GALNTL6: variants seen among roughly 807,000 people sequenced by gnomAD.
The protein encoded by GALNTL6 is polypeptide N-acetylgalactosaminyltransferase-like 6.
A neutral mutation model predicts 73.7 loss-of-function variants in GALNTL6; 46 were observed. That is an observed-to-expected ratio of 0.62 (90% CI 0.49 to 0.80). GALNTL6 has a LOEUF of 0.80. GALNTL6 is among the 30% of genes least tolerant of loss of function. GALNTL6 has a pLI of 0.00. For missense variants in GALNTL6, 604 were observed against 755.0 expected (o/e 0.80, Z 2.34); for synonymous variants, 259 against 263.7 (o/e 0.98, Z 0.17).
In GALNTL6 at chr4:172,073,818, A is replaced by G. The variant is rs79305873; in HGVS notation, c.139-155838A>G. ...AGTACTGCAATTTGGCTGAGGGCTA[A>G]GCTCTTTGAGGGGACAATAACTACT... On this transcript the variant is annotated intron_variant, in intron 2 of 12. Coordinates refer to ENST00000506823, the MANE Select transcript of GALNTL6 (RefSeq NM_001034845.3). Among the ~76,000 whole-genome samples, 875 of 152,312 alleles carry G rather than the reference A, an allele frequency of 5.7e-3. 12 individuals carry two copies. The highest frequency in any genetic ancestry group is 0.019 in the African/African-American group (809 of 41,566).
At chr4:172,299,805 G>C (rs1739841434) in intron 3 of GALNTL6, among the ~76,000 whole-genome samples, 1 of 152,164 alleles carries the variant, frequency 6.6e-6, no homozygotes, top group South Asian at 2.1e-4. Flanking sequence ...GTCAATTTTG[G>C]AATAGGTATG....
chr4:171,936,290 T>A (rs984230909), intron 2 of GALNTL6, among the ~76,000 whole-genome samples: 1 of 152,282 alleles, frequency 6.6e-6, no homozygotes, highest in Admixed American at 6.5e-5. Context: ...GGAAAAGGTA[T>A]GTAACATCTG....
chr4:172,207,183 G>A (rs1421772376), intron 2 of GALNTL6, among the ~76,000 whole-genome samples: 1 of 151,808 alleles, frequency 6.6e-6, no homozygotes, highest in Non-Finnish European at 1.5e-5. Flanking sequence ...AATCATACAG[G>A]GTCTCCTAAG....
intron 5 of GALNTL6, among the ~76,000 whole-genome samples, chr4:172,451,713 G>T (rs1732219428): frequency 6.6e-6 from 1 of 152,142 alleles, no homozygotes; most frequent in South Asian, 2.1e-4. Flanking sequence ...TTAAAAACAT[G>T]TATGTAAGTG....
At chr4:172,476,108 C>G (rs942481429) in intron 5 of GALNTL6, among the ~76,000 whole-genome samples, 1 of 152,240 alleles carries the variant, frequency 6.6e-6, no homozygotes, top group African/African-American at 2.4e-5. Context: ...TGTAAACTGT[C>G]TTGGTCCATT....
intron 5 of GALNTL6, among the ~76,000 whole-genome samples, chr4:172,357,493 G>T (rs1055796852): frequency 6.6e-6 from 1 of 152,068 alleles, no homozygotes; most frequent in Non-Finnish European, 1.5e-5. Context: ...GGCATGGGAA[G>T]TTACTGGGCA....
intron 5 of GALNTL6, among the ~76,000 whole-genome samples, chr4:172,462,862 A>G (rs548213495): frequency 6.6e-6 from 1 of 152,284 alleles, no homozygotes; most frequent in South Asian, 2.1e-4. Context: ...AGAAGACAGA[A>G]ATTTAGGGTG....
chr4:172,893,616 G>A (rs930400499), intron 8 of GALNTL6, among the ~76,000 whole-genome samples: 3 of 152,144 alleles, frequency 2.0e-5, no homozygotes, highest in South Asian at 2.1e-4. Context: ...GGACAAGGGG[G>A]CACAAAGATC....
chr4:172,368,433 GAACCTTGC>G (rs1309702650), intron 5 of GALNTL6, among the ~76,000 whole-genome samples: 1 of 152,094 alleles, frequency 6.6e-6, no homozygotes, highest in Non-Finnish European at 1.5e-5. Flanking sequence ...ATGTTATCCA[GAACCTTGC>G]AACCTTGCAG....
chr4:172,612,643 A>G (rs1738570442), intron 5 of GALNTL6, among the ~76,000 whole-genome samples: 1 of 152,104 alleles, frequency 6.6e-6, no homozygotes, highest in African/African-American at 2.4e-5. Context: ...TGGGTAGCCA[A>G]TCAGAAGAGT....
At chr4:172,406,240 G>GA (rs1561068762) in intron 5 of GALNTL6, among the ~76,000 whole-genome samples, 1 of 151,848 alleles carries the variant, frequency 6.6e-6, no homozygotes, top group South Asian at 2.1e-4. Flanking sequence ...TATTCAGAAT[G>GA]AATTCAAACT....
chr4:172,262,698 T>C (rs549771395), intron 3 of GALNTL6, among the ~76,000 whole-genome samples: 8 of 151,544 alleles, frequency 5.3e-5, no homozygotes, highest in African/African-American at 1.7e-4. Flanking sequence ...TTTTTGTGTG[T>C]ATTGTTTTAT....
chr4:172,065,637 C>T (rs1008684523), intron 2 of GALNTL6, among the ~76,000 whole-genome samples: 1 of 152,088 alleles, frequency 6.6e-6, no homozygotes, highest in Non-Finnish European at 1.5e-5. Context: ...AGATTTCCCA[C>T]ATGCCCTTCT....
At chr4:172,616,127 A>G (rs1738719193) in intron 5 of GALNTL6, among the ~76,000 whole-genome samples, 1 of 152,160 alleles carries the variant, frequency 6.6e-6, no homozygotes, top group Non-Finnish European at 1.5e-5. Flanking sequence ...CTGTCCCTTC[A>G]TAAAGATCTG....
At chr4:173,036,037 T>C (rs1295632330) in intron 12 of GALNTL6, among the ~76,000 whole-genome samples, 2 of 152,214 alleles carry the variant, frequency 1.3e-5, no homozygotes. Context: ...AAAATAAATA[T>C]GTGAGGCATA....
intron 2 of GALNTL6, among the ~76,000 whole-genome samples, chr4:171,942,101 T>C (rs1738563569): frequency 6.6e-6 from 1 of 151,930 alleles, no homozygotes; most frequent in Non-Finnish European, 1.5e-5. Context: ...AACAAACATT[T>C]AAAAATAGGC....
At chr4:172,541,985 G>A (rs537499185) in intron 5 of GALNTL6, among the ~76,000 whole-genome samples, 1 of 152,106 alleles carries the variant, frequency 6.6e-6, no homozygotes, top group African/African-American at 2.4e-5. Context: ...TAGTGAAGCA[G>A]CTACATTGTC....
intron 5 of GALNTL6, among the ~76,000 whole-genome samples, chr4:172,644,269 G>A (rs1374972902): frequency 1.3e-5 from 2 of 151,138 alleles, no homozygotes; most frequent in Non-Finnish European, 3.0e-5. Flanking sequence ...GTGTATGAAT[G>A]TATGAGTGAA....
chr4:172,012,157 C>A (rs940112519), intron 2 of GALNTL6, among the ~76,000 whole-genome samples: 1 of 152,060 alleles, frequency 6.6e-6, no homozygotes, highest in Non-Finnish European at 1.5e-5. Flanking sequence ...CTCTGACATC[C>A]CCCAAAGCCC....
Sources: allele counts gnomAD v4.1 joint callset (sites outside exome capture counted in the v4.1 genomes callset), GRCh38; gene constraint gnomAD v4.1.1; transcripts MANE v1.5; gene names NCBI Gene and HGNC (gene_info 2026-07-23, HGNC 2026-07-21).